RBM28: variants seen among roughly 807,000 people sequenced by gnomAD.
The protein encoded by RBM28 is RNA-binding protein 28.
RBM28 carries 78 observed loss-of-function variants against 98.3 expected under a neutral mutation model. The observed-to-expected ratio is 0.79, with a 90% CI of 0.66 to 0.96. RBM28 has a LOEUF of 0.96. Among genes scored for constraint, RBM28 ranks in the 40% least tolerant of loss-of-function variants. RBM28 has a pLI of 0.00. For missense variants in RBM28, 838 were observed against 913.0 expected (o/e 0.92, Z 1.06); for synonymous variants, 306 against 330.9 (o/e 0.92, Z 0.82).
At position 128,309,843 on chromosome 7, in the gene RBM28, A is replaced by G. The variant is rs1795942990; in HGVS notation, c.*954T>C. 3.9e-5 allele frequency: 6 copies of G among 152,248 alleles called. No individual in the cohort carries two copies. The highest frequency in any genetic ancestry group is 3.9e-4 in the Admixed American group (6 of 15,270). The allele number at this position is 152,248 out of a possible 1,614,324, so 9.4% of individuals were successfully genotyped here. On this transcript the variant is annotated 3_prime_UTR_variant, in exon 19 of 19. Transcript: ENST00000223073. Reference sequence around the variant, plus strand: ...GGATACAAAGGCTCTGAGGTGGTCAAGAGTCAAGAGATGGAAGGAAGGCCT... The same window carrying G: ...GGATACAAAGGCTCTGAGGTGGTCAGGAGTCAAGAGATGGAAGGAAGGCCT...
chr7:128,315,914 A>G (rs1796099025), intron 16 of RBM28, among the ~76,000 whole-genome samples: 1 of 152,256 alleles, frequency 6.6e-6, no homozygotes, highest in African/African-American at 2.4e-5. Flanking sequence ...GAAGAACATC[A>G]GGAATGGAAT....
intron 11 of RBM28, 54 bp downstream of exon 11, chr7:128,325,764 C>T (rs1796335736): frequency 7.6e-7 from 1 of 1,308,718 alleles, no homozygotes; most frequent in Non-Finnish European, 1.1e-6. Flanking sequence ...AGATGTTGCC[C>T]CTAAGAGCCA....
chr7:128,315,086 G>A (rs1796079358), intron 16 of RBM28, 66 bp from the exon 17 acceptor site: 2 of 1,595,136 alleles, frequency 1.3e-6, no homozygotes, highest in African/African-American at 1.3e-5. Context: ...ATACTCAGCA[G>A]AAGATGAGCT....
chr7:128,332,900 T>C (rs1796511806), intron 9 of RBM28, among the ~76,000 whole-genome samples: 5 of 152,166 alleles, frequency 3.3e-5, no homozygotes, highest in Admixed American at 3.3e-4. Flanking sequence ...TGCCTTACTT[T>C]ATTCTGGACA....
At chr7:128,335,302 A>C (rs1796571920) in intron 8 of RBM28, among the ~76,000 whole-genome samples, 1 of 152,216 alleles carries the variant, frequency 6.6e-6, no homozygotes. Context: ...TTCCCTAAGA[A>C]TCTTAACCCT....
intron 15 of RBM28, 105 bp downstream of exon 15, chr7:128,317,852 T>G (rs1237071587): frequency 1.9e-6 from 3 of 1,559,830 alleles, no homozygotes; most frequent in Non-Finnish European, 1.8e-6. Flanking sequence ...CACTTGCCAC[T>G]GTTTCCCACC....
chr7:128,317,585 G>A lies in RBM28; in HGVS notation c.1788+74C>T. On this transcript the variant is annotated intron_variant, in intron 16 of 18. Coordinates refer to ENST00000223073, the MANE Select transcript of RBM28 (RefSeq NM_018077.3). ...CTAACTGAGGGGAGAACTACTCTAA[G>A]AGAGCAGAAGCACAAATTGAACAAA... 1.3e-5 allele frequency: 15 copies of A among 1,185,036 alleles called. No homozygotes were observed. In the South Asian group the frequency reaches 1.8e-4, roughly 14 times the overall value. 73.4% of individuals were successfully genotyped at this position (1,185,036 alleles called of 1,614,324 possible). A position where few individuals can be genotyped will look rare whatever the true frequency, so the allele number is the denominator to read the frequency against.
In RBM28 at chr7:128,339,207, T is replaced by C. The variant is rs750463909; in HGVS notation, c.372+20A>G. The C allele has an allele frequency of 4.5e-6, 7 of 1,570,956 alleles. No individual in the cohort carries two copies. The Admixed American group carries it at 1.0e-4, about 22-fold the overall frequency. The stretch of plus-strand genomic sequence containing the variant: ...TAAAAGCCTTCAAAACATGCAATGT[T>C]CATTTTCTCTCTCACTTACCTTAAA... On this transcript the variant is annotated intron_variant, in intron 3 of 18. Transcript: ENST00000223073.
At chr7:128,336,948 A>G (rs1286485142) in intron 6 of RBM28, among the ~76,000 whole-genome samples, 183 bp downstream of exon 6, 3 of 152,020 alleles carry the variant, frequency 2.0e-5, no homozygotes, top group Non-Finnish European at 4.4e-5. Flanking sequence ...GGGGTTTTGC[A>G]TGTTGGCCAG....
chr7:128,317,789 G>C, intron 15 of RBM28, 56 bp from the exon 16 acceptor site: 1 of 1,495,198 alleles, frequency 6.7e-7, no homozygotes, highest in Admixed American at 1.7e-5. Flanking sequence ...TGCATGCAAT[G>C]AGCTGAGTTT....
rs1297649520 is a variant in RBM28 at position 128,338,815 on chromosome 7, T to C, written c.373-14A>G. 8.9e-6 allele frequency: 14 copies of C among 1,578,312 alleles called. No individual in the cohort carries two copies. The highest frequency in any genetic ancestry group is 1.1e-5 in the South Asian group (1 of 90,334). ...ATCTTCTGAACACTGAAGCCAAAAGTGAAGAAAGAAAAAGAGAAACACAAT... is the reference window on the plus strand; with the variant it reads ...ATCTTCTGAACACTGAAGCCAAAAGCGAAGAAAGAAAAAGAGAAACACAAT... On this transcript the variant is annotated splice_polypyrimidine_tract_variant and intron_variant, in intron 3 of 18. Coordinates refer to ENST00000223073, the MANE Select transcript of RBM28 (RefSeq NM_018077.3).
intron 11 of RBM28, 28 bp downstream of exon 11, chr7:128,325,790 T>C: frequency 6.4e-7 from 1 of 1,572,246 alleles, no homozygotes; most frequent in Non-Finnish European, 8.8e-7. Flanking sequence ...CCTCCTGTGT[T>C]ATAAGGTAAA....
intron 1 of RBM28, chr7:128,341,188 G>A (rs1796716492): frequency 1.6e-6 from 2 of 1,289,428 alleles, no homozygotes; most frequent in Non-Finnish European, 2.0e-6. Context: ...CAGGGTATAA[G>A]CCCTTTGACA....
At position 128,321,437 on chromosome 7, in the gene RBM28, C is replaced by T. The variant is rs1562951795; in HGVS notation, c.1405-13G>A. ...TCAGCAGCTCAAACTGAAAGAACAA[C>T]CAATGGTTAACAGTACAACCCACTC... On this transcript the variant is annotated splice_polypyrimidine_tract_variant and intron_variant, in intron 13 of 18. Coordinates refer to ENST00000223073, the MANE Select transcript of RBM28 (RefSeq NM_018077.3). 1 of 1,613,852 alleles carries T rather than the reference C, an allele frequency of 6.2e-7. No individual in the cohort carries two copies. The highest frequency in any genetic ancestry group is 8.5e-7 in the Non-Finnish European group (1 of 1,179,920).
rs1796339640 is a variant in RBM28, at chr7:128,325,903, GAC to G, written c.1130-14_1130-13del. 3 of 1,610,578 alleles carry G rather than the reference GAC, an allele frequency of 1.9e-6. No individual in the cohort carries two copies. In the East Asian group the frequency reaches 6.7e-5, roughly 36 times the overall value. On this transcript the variant is annotated splice_polypyrimidine_tract_variant and intron_variant, in intron 10 of 18. Transcript: ENST00000223073. ...GGCAAATGCACAACCTGCACAAGGA[GAC>G]ACAATTCAGTGAGATCCCAAACTCC...
At chr7:128,337,000 G>A (rs1796614935) in intron 6 of RBM28, 131 bp downstream of exon 6, 4 of 955,714 alleles carry the variant, frequency 4.2e-6, no homozygotes, top group Admixed American at 3.4e-5. Flanking sequence ...CACCCAAAGT[G>A]CTGGAATTAC....
At chr7:128,324,943 G>C (rs1010613906) in intron 11 of RBM28, among the ~76,000 whole-genome samples, 1 of 152,098 alleles carries the variant, frequency 6.6e-6, no homozygotes, top group Non-Finnish European at 1.5e-5. Context: ...CTGGGAGACG[G>C]AGCTTGCAGT....
Position 128,310,525 on chromosome 7 carries a change from T to A in RBM28, c.*272A>T. The A allele has an allele frequency of 2.2e-6, 1 of 450,392 alleles. No individual in the cohort carries two copies. The highest frequency in any genetic ancestry group is 3.9e-5 in the East Asian group (1 of 25,786). The allele number at this position is 450,392 out of a possible 1,614,324, so 27.9% of individuals were successfully genotyped here. A position where few individuals can be genotyped will look rare whatever the true frequency, so the allele number is the denominator to read the frequency against. On this transcript the variant is annotated 3_prime_UTR_variant, in exon 19 of 19. Coordinates refer to ENST00000223073, the MANE Select transcript of RBM28 (RefSeq NM_018077.3). ...TTGAGAAATAAAGAATAAAAATTGG[T>A]AATAATTATAGACACAACTTCATAC...
chr7:128,339,474 CTAAAA>C (rs1443838856), intron 2 of RBM28, among the ~76,000 whole-genome samples, 153 bp from the exon 3 acceptor site: 2 of 152,068 alleles, frequency 1.3e-5, no homozygotes, highest in African/African-American at 2.4e-5. Flanking sequence ...TTCCAAAGAA[CTAAAA>C]TGAGTATCAC....
Sources: allele counts gnomAD v4.1 joint callset (sites outside exome capture counted in the v4.1 genomes callset), GRCh38; gene constraint gnomAD v4.1.1; transcripts MANE v1.5; gene names NCBI Gene and HGNC (gene_info 2026-07-23, HGNC 2026-07-21).